NTRK3: variants seen among roughly 807,000 people sequenced by gnomAD.
NTRK3 encodes neurotrophic receptor tyrosine kinase 3.
A neutral mutation model predicts 91.7 loss-of-function variants in NTRK3; 24 were observed. The observed-to-expected ratio is 0.26, with a 90% CI of 0.19 to 0.37. The LOEUF is 0.37. Ranked by LOEUF, NTRK3 falls within the 10% of genes least tolerant of loss-of-function variation. The pLI, the probability that NTRK3 is intolerant of heterozygous loss-of-function variation, is 1.00. For missense variants in NTRK3, 880 were observed against 1,068.9 expected, an observed-to-expected ratio of 0.82 and a Z score of 2.46; for synonymous variants, 483 against 404.0, an observed-to-expected ratio of 1.20 and a Z score of -2.34.
At position 87,876,694 on chromosome 15, in the gene NTRK3, T is replaced by C. The variant is rs552899065; in HGVS notation, c.*241A>G. The C allele has an allele frequency of 5.6e-4, 124 of 220,396 alleles. No homozygotes were observed. The Middle Eastern group carries it at 0.01, about 18-fold the overall frequency. The allele number at this position is 220,396 out of a possible 1,614,324, so 13.7% of individuals were successfully genotyped here. A position where few individuals can be genotyped will look rare whatever the true frequency, so the allele number is the denominator to read the frequency against. ...GAAGGTAACTCTCTGTAGATATAGATTGATAGATAGTTAGATATATAAATA... is the reference window on the plus strand; with the variant it reads ...GAAGGTAACTCTCTGTAGATATAGACTGATAGATAGTTAGATATATAAATA... On this transcript the variant is annotated 3_prime_UTR_variant, in exon 19 of 19. Coordinates refer to ENST00000394480, the Ensembl canonical transcript of NTRK3.
At chr15:88,105,706 C>T (rs1463607573) in intron 13 of NTRK3, among the ~76,000 whole-genome samples, 12 of 152,016 alleles carry the variant, frequency 7.9e-5, no homozygotes. Context: ...TACACACACA[C>T]ACACACCCCC....
rs553251697 is a variant in NTRK3 at position 87,896,114 on chromosome 15, C to T, written c.2134-15686G>A. Among the ~76,000 whole-genome samples the T allele has an allele frequency of 3.9e-5, 6 of 152,230 alleles. No individual in the cohort carries two copies. The South Asian group carries it at 1.2e-3, about 32-fold the overall frequency. ...CCACATTGGGCACATGTTCTCAGGACCTCATGAGGGCTGTGTCTGGCCATG... is the reference window on the plus strand; with the variant it reads ...CCACATTGGGCACATGTTCTCAGGATCTCATGAGGGCTGTGTCTGGCCATG... On this transcript the variant is annotated intron_variant, in intron 17 of 18. Coordinates refer to ENST00000394480, the Ensembl canonical transcript of NTRK3.
chr15:87,913,890 A>G (rs1233277521), intron 17 of NTRK3, among the ~76,000 whole-genome samples: 1 of 152,174 alleles, frequency 6.6e-6, no homozygotes, highest in African/African-American at 2.4e-5. Flanking sequence ...ATGAAGAAAT[A>G]ATGTATCTCT....
rs369934595 is a variant in NTRK3, at chr15:87,871,644, T to C, written c.*5291A>G. 23 of 229,324 alleles carry C rather than the reference T, an allele frequency of 1.0e-4. No individual in the cohort carries two copies. The South Asian group carries it at 1.1e-3, about 11-fold the overall frequency. 14.2% of individuals were successfully genotyped at this position (229,324 alleles called of 1,614,324 possible). On this transcript the variant is annotated 3_prime_UTR_variant, in exon 19 of 19. Coordinates refer to ENST00000394480, the Ensembl canonical transcript of NTRK3. ...CACCAAATGATCCAACTTTACAAGATGACAGATTTCCCATCGTAATCTTCC... is the reference window on the plus strand; with the variant it reads ...CACCAAATGATCCAACTTTACAAGACGACAGATTTCCCATCGTAATCTTCC...
intron 13 of NTRK3, among the ~76,000 whole-genome samples, chr15:88,112,569 A>T (rs28550241): frequency 0.64 from 96,722 of 152,022 alleles, 32,326 homozygotes; most frequent in African/African-American, 0.85. Flanking sequence ...TCTGCAGACA[A>T]GTAGGGCACT....
chr15:87,923,704 A>T (rs747724839), intron 17 of NTRK3, among the ~76,000 whole-genome samples: 3 of 152,216 alleles, frequency 2.0e-5, no homozygotes, highest in Non-Finnish European at 4.4e-5. Context: ...TCCTCCAAAG[A>T]TCCTCTGTTG....
chr15:88,049,471 G>A (rs571811596), intron 13 of NTRK3, among the ~76,000 whole-genome samples: 16 of 152,294 alleles, frequency 1.1e-4, no homozygotes, highest in African/African-American at 3.6e-4. Context: ...TCAGAATGGT[G>A]TGTGTGTTTA....
chr15:88,151,237 CCAAA>C (rs1221127044), intron 5 of NTRK3, among the ~76,000 whole-genome samples: 1 of 152,142 alleles, frequency 6.6e-6, no homozygotes, highest in Non-Finnish European at 1.5e-5. Context: ...CCTGAGACTA[CCAAA>C]CAAAGCCATT....
intron 14 of NTRK3, among the ~76,000 whole-genome samples, chr15:87,959,996 A>C (rs2072087165): frequency 6.6e-6 from 1 of 152,254 alleles, no homozygotes; most frequent in African/African-American, 2.4e-5. Flanking sequence ...CTACTAAAAA[A>C]GAAGTGGGGA....
chr15:87,882,267 T>TA (rs2065295731), intron 17 of NTRK3, among the ~76,000 whole-genome samples: 1 of 152,182 alleles, frequency 6.6e-6, no homozygotes, highest in South Asian at 2.1e-4. Context: ...AAACTGAAGA[T>TA]ACTTCTTTCA....
chr15:88,004,608 G>A (rs1049357516), intron 14 of NTRK3, among the ~76,000 whole-genome samples: 1 of 152,138 alleles, frequency 6.6e-6, no homozygotes, highest in East Asian at 1.9e-4. Flanking sequence ...GCAAATTCAA[G>A]GCATATTTAC....
chr15:87,898,197 A>G (rs768492986), intron 17 of NTRK3, among the ~76,000 whole-genome samples: 8 of 152,196 alleles, frequency 5.3e-5, no homozygotes, highest in Non-Finnish European at 7.3e-5. Flanking sequence ...TACCCTTACA[A>G]TGAGACAATA....
intron 17 of NTRK3, among the ~76,000 whole-genome samples, chr15:87,913,897 C>T (rs2067266827): frequency 6.6e-6 from 1 of 152,114 alleles, no homozygotes; most frequent in Non-Finnish European, 1.5e-5. Flanking sequence ...AATAATGTAT[C>T]TCTCAGATGG....
chr15:88,017,223 C>T (rs900649763), intron 14 of NTRK3, among the ~76,000 whole-genome samples: 4 of 152,148 alleles, frequency 2.6e-5, no homozygotes, highest in Non-Finnish European at 5.9e-5. Context: ...CCTTCATTAG[C>T]TTTTCTATTG....
intron 14 of NTRK3, among the ~76,000 whole-genome samples, chr15:87,993,734 C>T (rs2075463899): frequency 6.6e-6 from 1 of 152,150 alleles, no homozygotes; most frequent in South Asian, 2.1e-4. Flanking sequence ...TCCCTGCTTG[C>T]ACTGTCCTCC....
At chr15:88,002,168 GTTTTTTTTTTTTT>G (rs770668339) in intron 14 of NTRK3, among the ~76,000 whole-genome samples, 59 of 70,162 alleles carry the variant, frequency 8.4e-4, no homozygotes, top group Non-Finnish European at 1.3e-3. Context: ...GATAGTGGTT[GTTTTTTTTTTTTT>G]TTTTTTTTTT....
chr15:88,084,175 C>T (rs1325081944), intron 13 of NTRK3, among the ~76,000 whole-genome samples: 10 of 151,180 alleles, frequency 6.6e-5, no homozygotes, highest in Non-Finnish European at 1.0e-4. Flanking sequence ...GGAACTTGAG[C>T]GCTCAGGGGT....
chr15:88,051,934 A>G (rs2080866608), intron 13 of NTRK3, among the ~76,000 whole-genome samples: 1 of 152,224 alleles, frequency 6.6e-6, no homozygotes, highest in African/African-American at 2.4e-5. Context: ...AAGCAAGAGG[A>G]CTTAATAATG....
chr15:88,239,451 C>T (rs2052108243), intron 3 of NTRK3, among the ~76,000 whole-genome samples: 1 of 152,172 alleles, frequency 6.6e-6, no homozygotes, highest in Admixed American at 6.5e-5. Context: ...CAATGACTTA[C>T]TCTACCTCCC....
Sources: allele counts gnomAD v4.1 joint callset (sites outside exome capture counted in the v4.1 genomes callset), GRCh38; gene constraint gnomAD v4.1.1; transcripts MANE v1.5; gene names NCBI Gene and HGNC (gene_info 2026-07-23, HGNC 2026-07-21).